The following TRDN variants were observed in gnomAD, a reference collection of about 807,000 sequenced individuals.
The protein encoded by TRDN is triadin in skeletal muscle.
TRDN carries 161 observed loss-of-function variants against 149.7 expected under a neutral mutation model. The observed-to-expected ratio is 1.08, with a 90% CI of 0.95 to 1.23. The LOEUF is 1.23. Among genes scored for constraint, TRDN ranks in the 50% most tolerant of loss-of-function variants. The probability of loss-of-function intolerance (pLI) is 0.00; values close to 1 mark genes in which losing one functional copy is unlikely to be tolerated. For missense variants in TRDN, 896 were observed against 823.5 expected (o/e 1.09, Z -1.08); for synonymous variants, 294 against 250.5 (o/e 1.17, Z -1.64).
chr6:123,633,164 ATAC>A (rs1786102387), intron 1 of TRDN, among the ~76,000 whole-genome samples: 1 of 152,076 alleles, frequency 6.6e-6, no homozygotes, highest in African/African-American at 2.4e-5. Context: ...GTTCTAGTAA[ATAC>A]TAAGTTAATT....
rs568575457 is a variant in TRDN, at chr6:123,227,419, G to T, written c.1976-3288C>A. On this transcript the variant is annotated intron_variant, in intron 38 of 40. Coordinates refer to ENST00000334268, the MANE Select transcript of TRDN (RefSeq NM_006073.4). Reference sequence around the variant, plus strand: ...TACAATGAAGTCCCTAGGGGACACTGATATTTGCTGGGGATAATGAAAAGT... The same window carrying T: ...TACAATGAAGTCCCTAGGGGACACTTATATTTGCTGGGGATAATGAAAAGT... 2.0e-5 allele frequency among the ~76,000 whole-genome samples: 3 copies of T among 151,964 alleles called. No homozygotes were observed. The East Asian group carries it at 5.9e-4, about 30-fold the overall frequency.
intron 1 of TRDN, among the ~76,000 whole-genome samples, chr6:123,583,276 TA>T (rs1403014430): frequency 6.6e-6 from 1 of 152,026 alleles, no homozygotes; most frequent in Non-Finnish European, 1.5e-5. Flanking sequence ...GGAGTATGAC[TA>T]GACAGAAGAT....
chr6:123,375,689 C>T lies in TRDN; in HGVS notation c.1247-58G>A, dbSNP rs1285549457. 2.6e-5 allele frequency: 33 copies of T among 1,277,244 alleles called. No homozygotes were observed. The East Asian group carries it at 9.2e-4, about 36-fold the overall frequency. The allele number at this position is 1,277,244 out of a possible 1,614,324, so 79.1% of individuals were successfully genotyped here. A position where few individuals can be genotyped will look rare whatever the true frequency, so the allele number is the denominator to read the frequency against. On this transcript the variant is annotated intron_variant, in intron 18 of 40. Transcript: ENST00000334268. ...TAATTACAAATCTGCTTATCTCTTTCCAAAATAATTGTAAGGTTATCTTAA... is the reference window on the plus strand; with the variant it reads ...TAATTACAAATCTGCTTATCTCTTTTCAAAATAATTGTAAGGTTATCTTAA...
chr6:123,293,249 C>A (rs977494733), intron 24 of TRDN, among the ~76,000 whole-genome samples: 2 of 152,130 alleles, frequency 1.3e-5, no homozygotes, highest in African/African-American at 4.8e-5. Flanking sequence ...AATATTCAAA[C>A]CCCTGCTTGG....
intron 1 of TRDN, among the ~76,000 whole-genome samples, chr6:123,599,216 A>G (rs532563000): frequency 4.7e-4 from 72 of 152,216 alleles, no homozygotes; most frequent in African/African-American, 1.7e-3. Flanking sequence ...CTTCAGCTCT[A>G]TCCATTTATT....
At chr6:123,519,812 C>T (rs1779592027) in intron 5 of TRDN, among the ~76,000 whole-genome samples, 3 of 151,554 alleles carry the variant, frequency 2.0e-5, no homozygotes, top group Admixed American at 2.0e-4. Flanking sequence ...GCATCATTAC[C>T]TGTAATAAAT....
chr6:123,351,554 T>G (rs1286983904), intron 21 of TRDN: 31 of 981,716 alleles, frequency 3.2e-5, no homozygotes, highest in Non-Finnish European at 3.7e-5. Context: ...AAAGGGATTT[T>G]ATTTTGAAAA....
rs1043913380 is a variant in TRDN at position 123,532,768 on chromosome 6, T to C, written c.425-2203A>G. 5.3e-5 allele frequency among the ~76,000 whole-genome samples: 8 copies of C among 151,984 alleles called. No individual in the cohort carries two copies. The East Asian group carries it at 1.4e-3, about 26-fold the overall frequency. ...TTAAAATTAGTTTTATATTTTTCTTTTTACTATTTTAAATGTGGCTACTAG... is the reference window on the plus strand; with the variant it reads ...TTAAAATTAGTTTTATATTTTTCTTCTTACTATTTTAAATGTGGCTACTAG... On this transcript the variant is annotated intron_variant, in intron 4 of 40. Coordinates refer to ENST00000334268, the MANE Select transcript of TRDN (RefSeq NM_006073.4).
At chr6:123,294,621 G>T (rs1778128930) in intron 24 of TRDN, among the ~76,000 whole-genome samples, 1 of 152,106 alleles carries the variant, frequency 6.6e-6, no homozygotes, top group African/African-American at 2.4e-5. Flanking sequence ...ATTTAATGCT[G>T]CTGTTAATCT....
At chr6:123,585,166 G>A (rs575067682) in intron 1 of TRDN, among the ~76,000 whole-genome samples, 7 of 149,788 alleles carry the variant, frequency 4.7e-5, no homozygotes, top group South Asian at 2.2e-4. Flanking sequence ...AGAGGAGCAC[G>A]CAAAGGAGGC....
intron 6 of TRDN, among the ~76,000 whole-genome samples, chr6:123,514,359 C>CA (rs990119996): frequency 1.3e-5 from 2 of 151,786 alleles, no homozygotes; most frequent in South Asian, 2.1e-4. Context: ...TGTCTCAAAA[C>CA]AAAAAAACAA....
At chr6:123,430,348 C>T (rs1025541869) in intron 12 of TRDN, among the ~76,000 whole-genome samples, 3 of 151,790 alleles carry the variant, frequency 2.0e-5, no homozygotes, top group African/African-American at 4.8e-5. Flanking sequence ...TTTGGGAGGC[C>T]GAGGCGCGCA....
chr6:123,430,406 C>A (rs1774286801), intron 12 of TRDN, among the ~76,000 whole-genome samples: 6 of 150,668 alleles, frequency 4.0e-5, no homozygotes. Context: ...CACGGTGAAA[C>A]CCCGTCTCTA....
rs527326139 is a variant in TRDN at position 123,427,099 on chromosome 6, A to G, written c.1051+10964T>C. Among the ~76,000 whole-genome samples the G allele has an allele frequency of 5.9e-5, 9 of 152,102 alleles. No homozygotes were observed. The East Asian group carries it at 1.7e-3, about 29-fold the overall frequency. ...TAATCATTATTCCACATGTGTAATA[A>G]ATTTTATTTTTTTAGTGCCCTTGGT... On this transcript the variant is annotated intron_variant, in intron 12 of 40. Transcript: ENST00000334268.
chr6:123,381,477 C>T, intron 15 of TRDN, 87 bp from the exon 16 acceptor site: 5 of 1,254,262 alleles, frequency 4.0e-6, no homozygotes, highest in Non-Finnish European at 5.6e-6. Context: ...TGTAATTTTT[C>T]CCACCCCTCC....
chr6:123,506,979 A>G (rs1778955898), intron 7 of TRDN, among the ~76,000 whole-genome samples: 1 of 152,204 alleles, frequency 6.6e-6, no homozygotes, highest in African/African-American at 2.4e-5. Context: ...TTGTATCACC[A>G]TAGTGTCTAG....
intron 24 of TRDN, among the ~76,000 whole-genome samples, chr6:123,296,831 G>C (rs763489395): frequency 1.3e-5 from 2 of 151,882 alleles, no homozygotes; most frequent in African/African-American, 2.4e-5. Context: ...GGAAAGAAAT[G>C]GTAAATGCTT....
chr6:123,319,918 C>G (rs1779180572), intron 23 of TRDN, among the ~76,000 whole-genome samples: 1 of 152,008 alleles, frequency 6.6e-6, no homozygotes, highest in Non-Finnish European at 1.5e-5. Flanking sequence ...ATAGTGTTTT[C>G]AAGTAGAATA....
chr6:123,255,136 G>C lies in TRDN; in HGVS notation c.1907-11C>G, dbSNP rs774187403. 1 of 1,205,098 alleles carries C rather than the reference G, an allele frequency of 8.3e-7. No homozygotes were observed. Among genetic ancestry groups the C allele is most frequent in the Admixed American group, 2.7e-5 (1 of 36,452 alleles). 74.7% of individuals were successfully genotyped at this position (1,205,098 alleles called of 1,614,324 possible). A position where few individuals can be genotyped will look rare whatever the true frequency, so the allele number is the denominator to read the frequency against. ...CTTTTCTTGTTGAGACTGTTAATAA[G>C]GAAAATGTAAATTAAAATATAAATT... On this transcript the variant is annotated splice_polypyrimidine_tract_variant and intron_variant, in intron 36 of 40. Coordinates refer to ENST00000334268, the MANE Select transcript of TRDN (RefSeq NM_006073.4).
Sources: gnomAD v4.1 joint callset for allele counts (sites outside exome capture counted in the v4.1 genomes callset) on GRCh38, gnomAD v4.1.1 for gene constraint, MANE v1.5 for transcripts, NCBI Gene and HGNC (gene_info 2026-07-23, HGNC 2026-07-21) for gene names.